B3GALT1: variants seen among roughly 807,000 people sequenced by gnomAD.
B3GALT1 encodes UDP-Gal:betaGlcNAc beta 1,3-galactosyltransferase, polypeptide 1.
B3GALT1 carries 10 observed loss-of-function variants against 23.2 expected under a neutral mutation model. The ratio of observed to expected loss-of-function variants is 0.43; its 90% CI spans 0.27 to 0.73. The LOEUF (loss-of-function observed/expected upper bound fraction) is 0.73, where lower values mean the gene tolerates loss of function less well. Ranked by LOEUF, B3GALT1 falls within the 30% of genes least tolerant of loss-of-function variation. B3GALT1 has a pLI of 0.21. For synonymous variants in B3GALT1, 156 were observed against 141.5 expected (o/e 1.10, Z -0.73); for missense variants, 299 against 405.4 (o/e 0.74, Z 2.25).
At chr2:167,303,360 A>G (rs1488433735) in intron 1 of B3GALT1, among the ~76,000 whole-genome samples, 1 of 152,108 alleles carries the variant, frequency 6.6e-6, no homozygotes, top group Non-Finnish European at 1.5e-5. Flanking sequence ...CAAATAGGTA[A>G]CCACTCCTAC....
At chr2:167,417,988 C>T (rs915941679) in intron 1 of B3GALT1, among the ~76,000 whole-genome samples, 3 of 152,248 alleles carry the variant, frequency 2.0e-5, no homozygotes, top group African/African-American at 2.4e-5. Flanking sequence ...GCAAAAGTTC[C>T]GCTGTGTTCT....
chr2:167,415,178 A>G (rs1384801746), intron 1 of B3GALT1, among the ~76,000 whole-genome samples: 1 of 152,208 alleles, frequency 6.6e-6, no homozygotes, highest in Admixed American at 6.5e-5. Context: ...GCCTTGAAGA[A>G]GTCATTGGGT....
Position 167,578,757 on chromosome 2 carries a change from A to G in B3GALT1, c.-409-68152A>G, listed in dbSNP as rs1002186784. Among the ~76,000 whole-genome samples the G allele has an allele frequency of 7.0e-4, 106 of 152,180 alleles. 1 individual carries two copies. Among genetic ancestry groups the G allele is most frequent in the African/African-American group, 2.5e-3 (102 of 41,562 alleles). ...TGTAGTTAAGCTCTTGAGCTTTAAC[A>G]TAATATTTTTGTCATTTAAACATGT... On this transcript the variant is annotated intron_variant, in intron 2 of 4. Coordinates refer to ENST00000392690, the MANE Select transcript of B3GALT1 (RefSeq NM_020981.4).
chr2:167,800,578 A>G (rs769435381), intron 3 of B3GALT1, among the ~76,000 whole-genome samples: 22 of 152,248 alleles, frequency 1.4e-4, no homozygotes, highest in Admixed American at 1.0e-3. Context: ...GCCTAGTAGT[A>G]TCTGCATCTC....
chr2:167,657,277 T>G (rs1685971005), intron 3 of B3GALT1, among the ~76,000 whole-genome samples: 1 of 152,136 alleles, frequency 6.6e-6, no homozygotes, highest in East Asian at 1.9e-4. Context: ...TTATCAGTTT[T>G]TGATCATTGA....
intron 2 of B3GALT1, among the ~76,000 whole-genome samples, chr2:167,629,798 C>A (rs963558763): frequency 6.6e-6 from 1 of 151,746 alleles, no homozygotes; most frequent in South Asian, 2.1e-4. Flanking sequence ...CTGCTTTATA[C>A]CTTGGCAGAT....
chr2:167,401,569 C>A (rs1247930052), intron 1 of B3GALT1, among the ~76,000 whole-genome samples: 1 of 152,106 alleles, frequency 6.6e-6, no homozygotes, highest in Non-Finnish European at 1.5e-5. Flanking sequence ...TTCACAATGA[C>A]CCTCACTAAT....
intron 2 of B3GALT1, among the ~76,000 whole-genome samples, chr2:167,554,012 A>C (rs188105172): frequency 6.6e-6 from 1 of 152,122 alleles, no homozygotes; most frequent in Non-Finnish European, 1.5e-5. Context: ...CATGTTATGG[A>C]TTTGCCTCCT....
intron 4 of B3GALT1, among the ~76,000 whole-genome samples, chr2:167,854,656 G>A (rs1409216796): frequency 3.3e-5 from 5 of 152,134 alleles, no homozygotes; most frequent in Admixed American, 1.3e-4. Flanking sequence ...TGGAAACTAG[G>A]TCATTTACTT....
At chr2:167,635,938 A>C (rs1395391516) in intron 2 of B3GALT1, among the ~76,000 whole-genome samples, 1 of 152,114 alleles carries the variant, frequency 6.6e-6, no homozygotes, top group African/African-American at 2.4e-5. Context: ...CCTGACTTCA[A>C]ACTATACTAC....
At chr2:167,709,227 C>G (rs1185617122) in intron 3 of B3GALT1, among the ~76,000 whole-genome samples, 2 of 152,116 alleles carry the variant, frequency 1.3e-5, no homozygotes, top group Non-Finnish European at 2.9e-5. Flanking sequence ...AGTGTGGTGC[C>G]AAAGGGAGGA....
chr2:167,718,977 T>A (rs1379673039), intron 3 of B3GALT1, among the ~76,000 whole-genome samples: 1 of 152,192 alleles, frequency 6.6e-6, no homozygotes, highest in Non-Finnish European at 1.5e-5. Context: ...TAGATAGGAA[T>A]TCTAGCGTAC....
chr2:167,605,466 A>G (rs1684947059), intron 2 of B3GALT1, among the ~76,000 whole-genome samples: 3 of 105,174 alleles, frequency 2.9e-5, no homozygotes, highest in African/African-American at 1.1e-4. Flanking sequence ...ACCGATTGTC[A>G]CCTGAGGGCT....
rs111721100 is a variant in B3GALT1 at position 167,825,437 on chromosome 2, G to GGTGTGTGTGT, written c.-230+6654_-230+6663dup. Among the ~76,000 whole-genome samples the GGTGTGTGTGT allele has an allele frequency of 1.8e-4, 26 of 144,566 alleles. 1 individual carries two copies. The highest frequency in any genetic ancestry group is 1.1e-3 in the South Asian group (5 of 4,624). The allele number at this position is 144,566 out of a possible 152,430, so 94.8% of individuals were successfully genotyped here. A position where few individuals can be genotyped will look rare whatever the true frequency, so the allele number is the denominator to read the frequency against. On this transcript the variant is annotated intron_variant, in intron 4 of 4. Transcript: ENST00000392690. ...AAAGAACCAATAAGATATATGCAGGGGTGTGTGTGTGTGTGTGTGCGTGCA... is the reference window on the plus strand; with the variant it reads ...AAAGAACCAATAAGATATATGCAGGGGTGTGTGTGTGTGTGTGTGTGTGTGTGTGCGTGCA...
At chr2:167,580,044 C>T (rs1026694760) in intron 2 of B3GALT1, among the ~76,000 whole-genome samples, 4 of 152,048 alleles carry the variant, frequency 2.6e-5, no homozygotes, top group South Asian at 2.1e-4. Context: ...ATCATCTTCA[C>T]GATATTGGGA....
intron 3 of B3GALT1, among the ~76,000 whole-genome samples, chr2:167,658,341 A>T (rs1440262746): frequency 4.6e-5 from 7 of 152,108 alleles, no homozygotes; most frequent in Non-Finnish European, 8.8e-5. Flanking sequence ...ATCCTCCAAA[A>T]ATGAAGAAAT....
chr2:167,654,564 A>G (rs1270308319), intron 3 of B3GALT1, among the ~76,000 whole-genome samples: 3 of 152,048 alleles, frequency 2.0e-5, no homozygotes, highest in Non-Finnish European at 2.9e-5. Context: ...CAGTTGCTCA[A>G]TCATAGCTCA....
intron 1 of B3GALT1, among the ~76,000 whole-genome samples, chr2:167,457,497 C>T (rs2105323597): frequency 6.6e-6 from 1 of 151,838 alleles, no homozygotes; most frequent in South Asian, 2.1e-4. Flanking sequence ...TACAGAATGG[C>T]CATTGTACTC....
At chr2:167,390,634 G>A (rs994270539) in intron 1 of B3GALT1, among the ~76,000 whole-genome samples, 6 of 152,046 alleles carry the variant, frequency 3.9e-5, no homozygotes, top group Non-Finnish European at 7.4e-5. Context: ...TGGACAAAAC[G>A]CAGGAATCTC....
Sources: allele counts gnomAD v4.1 joint callset (sites outside exome capture counted in the v4.1 genomes callset), GRCh38; gene constraint gnomAD v4.1.1; transcripts MANE v1.5; gene names NCBI Gene and HGNC (gene_info 2026-07-23, HGNC 2026-07-21).